DBF4: variants seen among roughly 807,000 people sequenced by gnomAD.
DBF4 encodes the protein protein DBF4 homolog A.
Under a neutral mutation model 76.6 loss-of-function variants are expected in DBF4, and 25 were observed. That is an observed-to-expected ratio of 0.33 (90% CI 0.24 to 0.46). DBF4 has a LOEUF of 0.46. DBF4 is among the 20% of genes least tolerant of loss of function. The pLI is 1.00. For missense variants in DBF4, 638 were observed against 760.8 expected (o/e 0.84, Z 1.90); for synonymous variants, 213 against 258.0 (o/e 0.83, Z 1.67).
chr7:87,899,847 G>A (rs1236934169), intron 8 of DBF4, among the ~76,000 whole-genome samples: 1 of 152,150 alleles, frequency 6.6e-6, no homozygotes, highest in Admixed American at 6.5e-5. Flanking sequence ...GGTTGTCAGG[G>A]GATATGGAGA....
chr7:87,876,722 G>A lies in DBF4; in HGVS notation c.-11G>A, dbSNP rs750830125. On this transcript the variant is annotated 5_prime_UTR_variant, in exon 1 of 12. Coordinates refer to ENST00000265728, the MANE Select transcript of DBF4 (RefSeq NM_006716.4). ...TCTCCGGACCCAGCATGTAGGTGCC[G>A]GGCGACTGCCATGAACTCCGGAGCC... 1.2e-6 allele frequency: 2 copies of A among 1,613,936 alleles called. No individual in the cohort carries two copies. Among genetic ancestry groups the A allele is most frequent in the African/African-American group, 1.3e-5 (1 of 74,914 alleles).
At chr7:87,905,274 G>A (rs932095207) in intron 11 of DBF4, among the ~76,000 whole-genome samples, 10 of 152,134 alleles carry the variant, frequency 6.6e-5, no homozygotes, top group African/African-American at 2.4e-4. Context: ...GTATTTTGAC[G>A]CAATTTTATT....
chr7:87,885,857 A>T (rs191561529), intron 3 of DBF4, among the ~76,000 whole-genome samples: 120 of 152,294 alleles, frequency 7.9e-4, no homozygotes, highest in African/African-American at 2.7e-3. Flanking sequence ...CAGTAAATTG[A>T]AAGATGCAAG....
In DBF4 at chr7:87,885,168, T is replaced by G; in HGVS notation, c.399+10T>G. ...TAAGTCACCAGACACAGTAAGTCTCTTAAATATGCTTTGAGACTCAGAAGG... is the reference window on the plus strand; with the variant it reads ...TAAGTCACCAGACACAGTAAGTCTCGTAAATATGCTTTGAGACTCAGAAGG... On this transcript the variant is annotated intron_variant, in intron 3 of 11. Transcript: ENST00000265728. The G allele has an allele frequency of 6.3e-7, 1 of 1,582,932 alleles. No homozygotes were observed. Among genetic ancestry groups the G allele is most frequent in the Non-Finnish European group, 8.6e-7 (1 of 1,162,762 alleles).
chr7:87,882,389 A>G (rs914945456), intron 2 of DBF4, among the ~76,000 whole-genome samples: 12 of 152,172 alleles, frequency 7.9e-5, no homozygotes, highest in Non-Finnish European at 1.6e-4. Flanking sequence ...ATAGGGAGAG[A>G]TCTTCATGAC....
intron 10 of DBF4, among the ~76,000 whole-genome samples, chr7:87,903,190 C>G (rs540780303): frequency 1.3e-5 from 2 of 152,356 alleles, no homozygotes; most frequent in East Asian, 3.9e-4. Flanking sequence ...TCCAGAGATT[C>G]TACTGCCTCA....
chr7:87,900,317 T>G lies in DBF4; in HGVS notation c.777T>G (p.Ser259=), dbSNP rs147297024. 4.3e-5 allele frequency: 68 copies of G among 1,596,346 alleles called. No homozygotes were observed. The highest frequency in any genetic ancestry group is 5.6e-5 in the Non-Finnish European group (66 of 1,175,522). ...GTCCATTTGATGTAGACAAGCCATC[T>G]AGTATGCAAAAGCAAACTCAGGTTA... ...PCSPFDVDKP[S]SMQKQTQVKL... Residue 259 remains serine, a synonymous_variant, in exon 9 of 12, where the codon TCT becomes TCG. Transcript: ENST00000265728.
chr7:87,896,191 G>T, intron 6 of DBF4: 7 of 299,070 alleles, frequency 2.3e-5, no homozygotes, highest in Admixed American at 5.1e-5. Context: ...GCTGAATAAG[G>T]GCATAAAAAT....
chr7:87,894,006 T>A (rs1421953650), intron 6 of DBF4, among the ~76,000 whole-genome samples: 2 of 152,254 alleles, frequency 1.3e-5, no homozygotes, highest in African/African-American at 4.8e-5. Flanking sequence ...TCGCAATCTA[T>A]CTTGAATTAA....
At position 87,900,272 on chromosome 7, in the gene DBF4, T is replaced by C; in HGVS notation, c.732T>C (p.Tyr244=). 5 of 1,605,498 alleles carry C rather than the reference T, an allele frequency of 3.1e-6. No homozygotes were observed. The South Asian group carries it at 5.6e-5, about 18-fold the overall frequency. Reference sequence around the variant, plus strand: ...TGACCAATATGCCTTTTATAAATTATTCTATTCAGAAGCCCTGCAGTCCAT... The same window carrying C: ...TGACCAATATGCCTTTTATAAATTACTCTATTCAGAAGCCCTGCAGTCCAT... The part of the protein sequence containing the change: ...LQLTNMPFIN[Y]SIQKPCSPFD... The change falls in exon 9 of 12, where the codon TAT becomes TAC. Residue 244 remains tyrosine (Y), a synonymous_variant. Transcript: ENST00000265728.
At chr7:87,883,669 C>G (rs1298894358) in intron 2 of DBF4, among the ~76,000 whole-genome samples, 1 of 152,058 alleles carries the variant, frequency 6.6e-6, no homozygotes, top group Non-Finnish European at 1.5e-5. Context: ...TGCACTTAAC[C>G]AAGGAGGCCA....
intron 8 of DBF4, among the ~76,000 whole-genome samples, chr7:87,897,618 C>T (rs1004503892): frequency 1.3e-5 from 2 of 152,132 alleles, no homozygotes; most frequent in African/African-American, 4.8e-5. Context: ...TGGCTAAATG[C>T]AGTACCAAAT....
intron 6 of DBF4, among the ~76,000 whole-genome samples, chr7:87,894,271 C>T (rs1584363949): frequency 6.6e-6 from 1 of 152,134 alleles, no homozygotes; most frequent in Admixed American, 6.5e-5. Context: ...GCCTGGGCAA[C>T]ATGGTGAAAC....
At chr7:87,901,138 TA>T (rs1446469274) in intron 10 of DBF4, among the ~76,000 whole-genome samples, 3 of 151,956 alleles carry the variant, frequency 2.0e-5, no homozygotes, top group Non-Finnish European at 2.9e-5. Flanking sequence ...AGGGGTGGGA[TA>T]GGGGTGGAGA....
At chr7:87,879,305 T>C (rs922371381) in intron 2 of DBF4, among the ~76,000 whole-genome samples, 2 of 152,218 alleles carry the variant, frequency 1.3e-5, no homozygotes, top group African/African-American at 2.4e-5. Context: ...TTCCTGGAAC[T>C]GTTAATATAT....
chr7:87,892,951 A>G (rs994779057), intron 6 of DBF4, among the ~76,000 whole-genome samples: 14 of 152,200 alleles, frequency 9.2e-5, no homozygotes, highest in Non-Finnish European at 2.1e-4. Flanking sequence ...AATATAGTCT[A>G]TCTTGGTAAC....
intron 8 of DBF4, among the ~76,000 whole-genome samples, chr7:87,899,752 T>C (rs1266087613): frequency 6.6e-6 from 1 of 152,232 alleles, no homozygotes; most frequent in Non-Finnish European, 1.5e-5. Flanking sequence ...GACGTTATGC[T>C]AAGTGAAATA....
At chr7:87,888,638 C>G (rs1011542508) in intron 6 of DBF4, among the ~76,000 whole-genome samples, 2 of 152,174 alleles carry the variant, frequency 1.3e-5, no homozygotes, top group African/African-American at 4.8e-5. Context: ...CTCCCTTGAT[C>G]CCACATCCCT....
rs1194690595 is a variant in DBF4 at position 87,897,796 on chromosome 7, A to G, written c.680+457A>G. On this transcript the variant is annotated intron_variant, in intron 8 of 11. Transcript: ENST00000265728. The stretch of plus-strand genomic sequence containing the variant: ...TTGTTGTTTGTTTTGATTTTTTGAG[A>G]TGGAGTCTTGCTCTGTCACCCAGGC... Among the ~76,000 whole-genome samples the G allele has an allele frequency of 2.0e-5, 3 of 152,294 alleles. No homozygotes were observed. The East Asian group carries it at 5.8e-4, about 29-fold the overall frequency.
Sources: allele counts gnomAD v4.1 joint callset (sites outside exome capture counted in the v4.1 genomes callset), GRCh38; gene constraint gnomAD v4.1.1; transcripts MANE v1.5; gene names NCBI Gene and HGNC (gene_info 2026-07-23, HGNC 2026-07-21).